DENND1A: variants seen among roughly 807,000 people sequenced by gnomAD.
The protein encoded by DENND1A is DENN domain containing 1A.
In DENND1A, 51 loss-of-function variants were observed where a neutral mutation model predicts 113.7. The observed-to-expected ratio is 0.45, with a 90% confidence interval of 0.36 to 0.57. DENND1A has a LOEUF of 0.57. Ranked by LOEUF, DENND1A falls within the 20% of genes least tolerant of loss-of-function variation. The pLI, the probability that DENND1A is intolerant of heterozygous loss-of-function variation, is 0.00. For synonymous variants in DENND1A, 565 were observed against 570.8 expected (o/e 0.99, Z 0.14); for missense variants, 1,258 against 1,395.9 (o/e 0.90, Z 1.57).
intron 5 of DENND1A, among the ~76,000 whole-genome samples, chr9:123,687,151 A>G (rs1248031875): frequency 1.3e-5 from 2 of 152,188 alleles, no homozygotes; most frequent in South Asian, 4.1e-4. Flanking sequence ...CACACAGAGA[A>G]AGTAGGATAT....
At chr9:123,481,014 A>G (rs540320629) in intron 13 of DENND1A, among the ~76,000 whole-genome samples, 1 of 152,282 alleles carries the variant, frequency 6.6e-6, no homozygotes, top group South Asian at 2.1e-4. Flanking sequence ...CTTCACACTG[A>G]CTTTTTTTTT....
At chr9:123,401,566 A>T in intron 21 of DENND1A, 1 of 1,383,726 alleles carries the variant, frequency 7.2e-7, no homozygotes, top group Non-Finnish European at 9.4e-7. Context: ...TATCACTGGT[A>T]GTTTGCCAAC....
chr9:123,700,581 G>T (rs1289305465), intron 5 of DENND1A, among the ~76,000 whole-genome samples: 1 of 152,176 alleles, frequency 6.6e-6, no homozygotes, highest in Middle Eastern at 3.2e-3. Context: ...TCTTGAAGCA[G>T]AATTCCTTCT....
chr9:123,541,115 GACTTCATTTTGTTC>G (rs1385580726), intron 13 of DENND1A, among the ~76,000 whole-genome samples: 2 of 152,146 alleles, frequency 1.3e-5, no homozygotes, highest in Admixed American at 1.3e-4. Flanking sequence ...TGAGGACTAG[GACTTCATTTTGTTC>G]ACTGCTGCAA....
intron 19 of DENND1A, chr9:123,413,828 C>T (rs981263827): frequency 8.9e-5 from 87 of 979,424 alleles, no homozygotes; most frequent in African/African-American, 7.7e-4. Flanking sequence ...AGGGGAACAG[C>T]CCCCCCACCC....
At chr9:123,414,967 C>T (rs1446143231) in intron 19 of DENND1A, among the ~76,000 whole-genome samples, 2 of 152,168 alleles carry the variant, frequency 1.3e-5, no homozygotes, top group Non-Finnish European at 2.9e-5. Context: ...TAAAAACACA[C>T]CAAATGTCAA....
At chr9:123,737,558 A>G (rs770768103) in intron 5 of DENND1A, among the ~76,000 whole-genome samples, 1 of 152,212 alleles carries the variant, frequency 6.6e-6, no homozygotes, top group African/African-American at 2.4e-5. Context: ...GAGAAAGCTT[A>G]GTTGTGTTTG....
At chr9:123,402,353 C>T (rs1262574508) in intron 21 of DENND1A, among the ~76,000 whole-genome samples, 1 of 152,246 alleles carries the variant, frequency 6.6e-6, no homozygotes, top group African/African-American at 2.4e-5. Flanking sequence ...CCCTCGCTAT[C>T]AACCAGAAAA....
chr9:123,810,597 TAA>T (rs1295226739), intron 2 of DENND1A, among the ~76,000 whole-genome samples: 1 of 133,846 alleles, frequency 7.5e-6, no homozygotes, highest in East Asian at 2.2e-4. Context: ...GCTGATAAAC[TAA>T]AGGAAAAAAA....
chr9:123,395,468 C>CTGTGTGTGTGTGTGTGTGTG (rs60527655), intron 21 of DENND1A, among the ~76,000 whole-genome samples: 24 of 142,982 alleles, frequency 1.7e-4, no homozygotes, highest in African/African-American at 6.2e-4. Context: ...CTCTCTCTCT[C>CTGTGTGTGTGTGTGTGTGTG]TGTGTGTGTG....
chr9:123,850,984 G>A (rs1843258227), intron 2 of DENND1A, among the ~76,000 whole-genome samples: 1 of 152,174 alleles, frequency 6.6e-6, no homozygotes, highest in East Asian at 1.9e-4. Flanking sequence ...AAGATGACTG[G>A]ATTTTAAAAG....
chr9:123,755,660 C>T (rs1011020086), intron 5 of DENND1A, among the ~76,000 whole-genome samples: 3 of 152,172 alleles, frequency 2.0e-5, no homozygotes, highest in Admixed American at 6.5e-5. Context: ...ACCAACCCCT[C>T]CTCTTCTTCC....
At chr9:123,823,505 G>T (rs983834552) in intron 2 of DENND1A, among the ~76,000 whole-genome samples, 6 of 152,006 alleles carry the variant, frequency 3.9e-5, no homozygotes, top group African/African-American at 1.5e-4. Context: ...AGTCACACAG[G>T]GTCTCATGGG....
chr9:123,583,869 T>C (rs2059038514), intron 11 of DENND1A, among the ~76,000 whole-genome samples: 1 of 152,210 alleles, frequency 6.6e-6, no homozygotes, highest in African/African-American at 2.4e-5. Flanking sequence ...ATTATTCTAC[T>C]GGCACAGTAA....
rs1045827805 is a variant in DENND1A at position 123,422,392 on chromosome 9, T to C, written c.1489-10563A>G. Among the ~76,000 whole-genome samples the C allele has an allele frequency of 7.9e-5, 12 of 152,240 alleles. No homozygotes were observed. Among genetic ancestry groups the C allele is most frequent in the African/African-American group, 1.9e-4 (8 of 41,536 alleles). ...GCCCCAGGGCCATCCCCCAAAGCAA[T>C]AGACTTTTTGAGTGGAATGCAAACG... On this transcript the variant is annotated intron_variant, in intron 19 of 23. Transcript: ENST00000394215. The surrounding 1 kb of genome is among the most constrained non-coding windows in gnomAD (Gnocchi z 4.8).
At chr9:123,646,807 T>C (rs1164395502) in intron 9 of DENND1A, among the ~76,000 whole-genome samples, 7 of 152,098 alleles carry the variant, frequency 4.6e-5, no homozygotes, top group Non-Finnish European at 8.8e-5. Flanking sequence ...ACGATAAATA[T>C]TGCAGAATGA....
At chr9:123,796,718 G>A (rs1833820113) in intron 2 of DENND1A, among the ~76,000 whole-genome samples, 1 of 150,976 alleles carries the variant, frequency 6.6e-6, no homozygotes, top group Admixed American at 6.6e-5. Context: ...GGTTACGTAT[G>A]AGGGCTCATT....
chr9:123,641,816 C>T (rs906051633), intron 9 of DENND1A, among the ~76,000 whole-genome samples: 1 of 152,142 alleles, frequency 6.6e-6, no homozygotes, highest in Non-Finnish European at 1.5e-5. Context: ...ATCCGGGGAA[C>T]CTCAAAAAAT....
At chr9:123,701,662 C>T (rs1179462439) in intron 5 of DENND1A, among the ~76,000 whole-genome samples, 1 of 152,210 alleles carries the variant, frequency 6.6e-6, no homozygotes, top group East Asian at 1.9e-4. Context: ...TAACCCACAG[C>T]AACAGGCAGG....
Sources: allele counts gnomAD v4.1 joint callset (sites outside exome capture counted in the v4.1 genomes callset), GRCh38; gene constraint gnomAD v4.1.1; non-coding constraint Gnocchi (gnomAD v3.1); transcripts MANE v1.5; gene names NCBI Gene and HGNC (gene_info 2026-07-23, HGNC 2026-07-21).